The following GREB1 variants were observed in gnomAD, a reference collection of about 807,000 sequenced individuals.
The protein encoded by GREB1 is growth regulating estrogen receptor binding 1.
Under a neutral mutation model 200.7 loss-of-function variants are expected in GREB1, and 106 were observed. The observed-to-expected ratio is 0.53, with a 90% confidence interval of 0.45 to 0.62. GREB1 has a LOEUF of 0.62. Ranked by LOEUF, GREB1 falls within the 20% of genes least tolerant of loss-of-function variation. The pLI is 0.00. For missense variants in GREB1, 2,243 were observed against 2,556.8 expected (o/e 0.88, Z 2.65); for synonymous variants, 1,132 against 1,092.4 (o/e 1.04, Z -0.72).
At chr2:11,606,734 T>C (rs908943049) in intron 17 of GREB1, among the ~76,000 whole-genome samples, 1 of 150,678 alleles carries the variant, frequency 6.6e-6, no homozygotes, top group African/African-American at 2.4e-5. Context: ...TGCCTTTTAA[T>C]TGATTGCTAT....
intron 23 of GREB1, among the ~76,000 whole-genome samples, chr2:11,622,094 T>G (rs1030854561): frequency 6.6e-6 from 1 of 152,238 alleles, no homozygotes; most frequent in African/African-American, 2.4e-5. Flanking sequence ...CAAGACTGTT[T>G]TTTTTAGACA....
Position 11,552,872 on chromosome 2 carries a change from T to C in GREB1, c.-161-3582T>C, listed in dbSNP as rs563211368. On this transcript the variant is annotated intron_variant, in intron 1 of 32. Transcript: ENST00000381486. ...TAAAAATACAAAAATTAGCCGGGCATGGTGGCGCACGCCTGTAGTCCCAGC... is the reference window on the plus strand; with the variant it reads ...TAAAAATACAAAAATTAGCCGGGCACGGTGGCGCACGCCTGTAGTCCCAGC... Among the ~76,000 whole-genome samples the C allele has an allele frequency of 9.5e-3, 1,443 of 151,932 alleles. 19 individuals carry two copies. The highest frequency in any genetic ancestry group is 0.032 in the African/African-American group (1,342 of 41,354).
intron 4 of GREB1, among the ~76,000 whole-genome samples, chr2:11,567,862 C>T (rs1677836635): frequency 2.0e-5 from 3 of 152,200 alleles, no homozygotes; most frequent in African/African-American, 7.2e-5. Context: ...TGCATCTGCC[C>T]ACAGGTCCCT....
intron 1 of GREB1, among the ~76,000 whole-genome samples, chr2:11,501,905 GTTTTTT>G (rs1204074491): frequency 3.2e-5 from 2 of 61,550 alleles, no homozygotes; most frequent in African/African-American, 1.5e-4. Context: ...GTTTTTTTTT[GTTTTTT>G]TTTTTTTTTT....
chr2:11,536,696 TG>T (rs1674306681), intron 1 of GREB1, among the ~76,000 whole-genome samples: 1 of 152,226 alleles, frequency 6.6e-6, no homozygotes, highest in Non-Finnish European at 1.5e-5. Context: ...GCACAGCAGA[TG>T]GAGTTAACAC....
At chr2:11,574,290 T>C (rs911677047) in intron 4 of GREB1, among the ~76,000 whole-genome samples, 1 of 152,184 alleles carries the variant, frequency 6.6e-6, no homozygotes, top group African/African-American at 2.4e-5. Flanking sequence ...CTTAGAGGAA[T>C]AATGATGGGA....
At chr2:11,630,361 T>A (rs1684787704) in intron 26 of GREB1, among the ~76,000 whole-genome samples, 1 of 152,232 alleles carries the variant, frequency 6.6e-6, no homozygotes, top group African/African-American at 2.4e-5. Context: ...CATTGTTACA[T>A]TGGAGAGTAG....
intron 1 of GREB1, among the ~76,000 whole-genome samples, chr2:11,498,065 G>A (rs1672936143): frequency 7.5e-6 from 1 of 133,248 alleles, no homozygotes; most frequent in Non-Finnish European, 1.5e-5. Context: ...TCATGAACAC[G>A]GCTCACTGCA....
intron 1 of GREB1, among the ~76,000 whole-genome samples, chr2:11,491,694 T>C (rs763381299): frequency 6.6e-6 from 1 of 152,242 alleles, no homozygotes; most frequent in Non-Finnish European, 1.5e-5. Flanking sequence ...GTTCTTGGCA[T>C]GTAGTAGGTC....
At chr2:11,610,600 G>A in intron 17 of GREB1, 88 bp from the exon 18 acceptor site, 7 of 1,006,186 alleles carry the variant, frequency 7.0e-6, no homozygotes, top group Non-Finnish European at 1.1e-5. Flanking sequence ...GTTGCCTGTG[G>A]TAGAGTGACG....
Position 11,640,034 on chromosome 2 carries a change from G to A in GREB1, c.5687-257G>A, listed in dbSNP as rs536113501. Among the ~76,000 whole-genome samples, 3 of 152,204 alleles carry A rather than the reference G, an allele frequency of 2.0e-5. No homozygotes were observed. Among genetic ancestry groups the A allele is most frequent in the South Asian group, 2.1e-4 (1 of 4,828 alleles). On this transcript the variant is annotated intron_variant, in intron 32 of 32. Coordinates refer to ENST00000381486, the MANE Select transcript of GREB1 (RefSeq NM_014668.4). This position sits in a 1 kb window ranked among gnomAD's most constrained non-coding sequence, Gnocchi z 4.6. Reference sequence around the variant, plus strand: ...CCACCAGCCTCTCTCCTTCCTCTCCGCACCTCGGTTCAGTCCCTGCTCGGC... The same window carrying A: ...CCACCAGCCTCTCTCCTTCCTCTCCACACCTCGGTTCAGTCCCTGCTCGGC...
chr2:11,536,910 C>G (rs1342522182), intron 1 of GREB1, among the ~76,000 whole-genome samples: 2 of 150,940 alleles, frequency 1.3e-5, no homozygotes, highest in African/African-American at 4.9e-5. Flanking sequence ...TTGAAAGAAG[C>G]ATGTTTTAAA....
chr2:11,635,553 T>A lies in GREB1; in HGVS notation c.5346+148T>A, dbSNP rs537247091. On this transcript the variant is annotated intron_variant, in intron 30 of 32. Coordinates refer to ENST00000381486, the MANE Select transcript of GREB1 (RefSeq NM_014668.4). ...ACTGGGTGGGGTCAGTAAAGGTTTT[T>A]AATCGGCATTGAGCCCTGGGAAATG... The A allele has an allele frequency of 1.6e-5, 13 of 793,894 alleles. No homozygotes were observed. In the African/African-American group the frequency reaches 2.1e-4, roughly 13 times the overall value. The allele number at this position is 793,894 out of a possible 1,614,324, so 49.2% of individuals were successfully genotyped here. A position where few individuals can be genotyped will look rare whatever the true frequency, so the allele number is the denominator to read the frequency against.
chr2:11,600,145 C>G (rs112162595), intron 15 of GREB1, among the ~76,000 whole-genome samples: 2 of 152,114 alleles, frequency 1.3e-5, no homozygotes, highest in African/African-American at 2.4e-5. Context: ...TGGGGGAAAT[C>G]GGAACATTCC....
At chr2:11,498,388 C>A (rs1672945607) in intron 1 of GREB1, among the ~76,000 whole-genome samples, 1 of 152,104 alleles carries the variant, frequency 6.6e-6, no homozygotes, top group South Asian at 2.1e-4. Context: ...AATGGATTGC[C>A]TTTGCATTTA....
intron 30 of GREB1, among the ~76,000 whole-genome samples, chr2:11,637,151 G>A (rs1424916597): frequency 6.6e-6 from 1 of 152,148 alleles, no homozygotes; most frequent in African/African-American, 2.4e-5. Flanking sequence ...CGAGGAGGTC[G>A]GTATGGAGGA....
chr2:11,484,981 AGGCGCCCGCCAC>A (rs915667169), intron 1 of GREB1, among the ~76,000 whole-genome samples: 21 of 152,220 alleles, frequency 1.4e-4, no homozygotes, highest in African/African-American at 4.8e-4. Flanking sequence ...CTGGGACTAC[AGGCGCCCGCCAC>A]GGCGCCCGGT....
At chr2:11,614,545 C>G (rs1683223279) in intron 19 of GREB1, among the ~76,000 whole-genome samples, 1 of 151,596 alleles carries the variant, frequency 6.6e-6, no homozygotes, top group African/African-American at 2.4e-5. Flanking sequence ...TTCAAGCCCC[C>G]CCTTTTTGTT....
At position 11,615,121 on chromosome 2, in the gene GREB1, A is replaced by C; in HGVS notation, c.3153A>C (p.Ile1051=). 1 of 1,614,124 alleles carries C rather than the reference A, an allele frequency of 6.2e-7. No individual in the cohort carries two copies. Among genetic ancestry groups the C allele is most frequent in the South Asian group, 1.1e-5 (1 of 91,078 alleles). ...TGAGGTACTGTGACCTGCGATTGAT[A>C]AACTCCTCCTGCTTGGTGAGAACAG... ...RSLRYCDLRL[I]NSSCLVRTAL... Residue 1051 remains isoleucine (I), a synonymous_variant, in exon 20 of 33, where the codon ATA becomes ATC. Coordinates refer to ENST00000381486, the MANE Select transcript of GREB1 (RefSeq NM_014668.4).
Sources: allele counts gnomAD v4.1 joint callset (sites outside exome capture counted in the v4.1 genomes callset), GRCh38; gene constraint gnomAD v4.1.1; non-coding constraint Gnocchi (gnomAD v3.1); transcripts MANE v1.5; gene names NCBI Gene and HGNC (gene_info 2026-07-23, HGNC 2026-07-21).